Variants in ANKFN1 observed in about 807,000 individuals in gnomAD.
ANKFN1 encodes the protein ankyrin repeat and fibronectin type III domain containing 1, also known as ankyrin repeat and fibronectin type-III domain-containing protein 1.
In ANKFN1, 74 loss-of-function variants were observed where a neutral mutation model predicts 108.7. That is an observed-to-expected ratio of 0.68 (90% CI 0.56 to 0.83). ANKFN1 has a LOEUF of 0.83. Ranked by LOEUF, ANKFN1 falls within the 40% of genes least tolerant of loss-of-function variation. The pLI, the probability that ANKFN1 is intolerant of heterozygous loss-of-function variation, is 0.00. For missense variants in ANKFN1, 1,505 were observed against 1,382.3 expected (o/e 1.09, Z -1.41); for synonymous variants, 547 against 516.2 (o/e 1.06, Z -0.81).
rs369889193 is a variant in ANKFN1 at position 56,467,781 on chromosome 17, A to AAG, written c.1773+1212_1773+1213dup. On this transcript the variant is annotated intron_variant, in intron 15 of 20. Coordinates refer to ENST00000682825, the MANE Select transcript of ANKFN1 (RefSeq NM_001370326.1). ...AAAGAAAGAAAGAAAGAAAGAAAGA[A>AAG]AGAAAGAAAGAAGAAAGAAAGAAAG... Among the ~76,000 whole-genome samples the AAG allele has an allele frequency of 2.8e-3, 63 of 22,496 alleles. 2 individuals are homozygous for AAG. Among genetic ancestry groups the AAG allele is most frequent in the African/African-American group, 5.1e-3 (57 of 11,240 alleles). 14.8% of individuals were successfully genotyped at this position (22,496 alleles called of 152,430 possible).
chr17:56,062,352 T>C (rs1246815530), intron 4 of ANKFN1, among the ~76,000 whole-genome samples: 2 of 152,182 alleles, frequency 1.3e-5, no homozygotes, highest in African/African-American at 4.8e-5. Flanking sequence ...CCCACTATTA[T>C]TGTGTAGGAG....
chr17:56,240,284 A>G (rs1490915599), intron 3 of ANKFN1, among the ~76,000 whole-genome samples: 1 of 152,100 alleles, frequency 6.6e-6, no homozygotes, highest in Non-Finnish European at 1.5e-5. Context: ...AGTTTTCATA[A>G]ATGATACCAA....
intron 4 of ANKFN1, among the ~76,000 whole-genome samples, chr17:56,344,815 C>G (rs1296412695): frequency 1.3e-5 from 2 of 151,958 alleles, no homozygotes; most frequent in African/African-American, 2.4e-5. Context: ...TTTAAAGGAG[C>G]TACAACCCCA....
intron 3 of ANKFN1, among the ~76,000 whole-genome samples, chr17:56,242,540 C>A (rs1276634838): frequency 6.6e-6 from 1 of 151,964 alleles, no homozygotes; most frequent in African/African-American, 2.4e-5. Context: ...AATGCAGCAA[C>A]ACTACTAATC....
intron 4 of ANKFN1, among the ~76,000 whole-genome samples, chr17:56,118,392 C>T (rs910464553): frequency 6.6e-6 from 1 of 152,106 alleles, no homozygotes; most frequent in Non-Finnish European, 1.5e-5. Flanking sequence ...AGTCTTTTAA[C>T]TTTCAAATAC....
intron 8 of ANKFN1, among the ~76,000 whole-genome samples, chr17:56,384,794 A>G (rs1305049781): frequency 1.3e-5 from 2 of 152,144 alleles, no homozygotes; most frequent in Admixed American, 6.5e-5. Context: ...GGAGAACTAC[A>G]AACCACTGCT....
intron 4 of ANKFN1, among the ~76,000 whole-genome samples, chr17:56,333,567 A>T (rs527348067): frequency 6.6e-6 from 1 of 152,148 alleles, no homozygotes; most frequent in East Asian, 1.9e-4. Flanking sequence ...ACATTGCTGG[A>T]TTTAATTTTG....
At chr17:56,151,639 C>T (rs1355500029), upstream of ANKFN1, among the ~76,000 whole-genome samples, 1 of 152,078 alleles carries the variant, frequency 6.6e-6, no homozygotes, top group East Asian at 1.9e-4. Context: ...CCTAACTGGG[C>T]CTTTTTGCAA....
intron 1 of ANKFN1, among the ~76,000 whole-genome samples, chr17:56,173,987 C>T (rs565361182): frequency 1.4e-4 from 22 of 152,362 alleles, no homozygotes; most frequent in African/African-American, 5.0e-4. Flanking sequence ...GGGTAGACTC[C>T]TGCCTCCTTT....
chr17:56,228,152 G>T (rs1159745218), intron 3 of ANKFN1, 195 bp downstream of exon 3: 2 of 510,584 alleles, frequency 3.9e-6, no homozygotes, highest in South Asian at 3.3e-5. Context: ...GAAGCAGATT[G>T]AACTTAATTG....
intron 20 of ANKFN1, among the ~76,000 whole-genome samples, chr17:56,501,226 C>T (rs1168411761): frequency 6.6e-6 from 1 of 152,110 alleles, no homozygotes; most frequent in African/African-American, 2.4e-5. Context: ...AGACAGAAGC[C>T]AGAAGCCAGA....
chr17:56,207,622 C>T (rs2143793017), intron 1 of ANKFN1, among the ~76,000 whole-genome samples: 1 of 152,306 alleles, frequency 6.6e-6, no homozygotes, highest in South Asian at 2.1e-4. Context: ...CATTTGTCTT[C>T]TCATTCTCCA....
At chr17:56,133,528 CTGTGTG>C (rs10598270) in intron 4 of ANKFN1, among the ~76,000 whole-genome samples, 2,183 of 146,388 alleles carry the variant, frequency 0.015, 24 homozygotes, top group African/African-American at 0.028. Flanking sequence ...ATGTGTATAC[CTGTGTG>C]TGTGTGTGTG....
At chr17:56,088,291 A>T (rs1214737635) in intron 4 of ANKFN1, among the ~76,000 whole-genome samples, 1 of 151,276 alleles carries the variant, frequency 6.6e-6, no homozygotes, top group East Asian at 1.9e-4. Context: ...TCATGAAACA[A>T]TTTTAGAGGA....
At chr17:56,362,013 G>A (rs959965721) in intron 6 of ANKFN1, among the ~76,000 whole-genome samples, 1 of 152,182 alleles carries the variant, frequency 6.6e-6, no homozygotes, top group Non-Finnish European at 1.5e-5. Context: ...GTTGTTCAGT[G>A]TAGGAGAATA....
At chr17:56,403,708 C>T (rs902547719) in intron 8 of ANKFN1, among the ~76,000 whole-genome samples, 2 of 151,868 alleles carry the variant, frequency 1.3e-5, no homozygotes, top group African/African-American at 4.8e-5. Context: ...TGCCTGTGTA[C>T]TTTGATTTTT....
intron 19 of ANKFN1, among the ~76,000 whole-genome samples, chr17:56,498,043 G>A (rs894655560): frequency 6.6e-6 from 1 of 152,022 alleles, no homozygotes; most frequent in Non-Finnish European, 1.5e-5. Flanking sequence ...TAGGCTTCAA[G>A]GAAACTACTA....
At chr17:56,177,807 T>C (rs1280047252) in intron 1 of ANKFN1, among the ~76,000 whole-genome samples, 2 of 73,790 alleles carry the variant, frequency 2.7e-5, no homozygotes, top group Non-Finnish European at 8.3e-5. Flanking sequence ...TGTTTTTGTT[T>C]TTGTTTTGTT....
intron 1 of ANKFN1, among the ~76,000 whole-genome samples, chr17:56,175,833 G>A (rs1347622604): frequency 1.4e-5 from 2 of 147,636 alleles, no homozygotes; most frequent in African/African-American, 5.0e-5. Flanking sequence ...GAAATAACTT[G>A]ACACACAACT....
Sources: allele counts gnomAD v4.1 joint callset (sites outside exome capture counted in the v4.1 genomes callset), GRCh38; gene constraint gnomAD v4.1.1; transcripts MANE v1.5; gene names NCBI Gene and HGNC (gene_info 2026-07-23, HGNC 2026-07-21).